Variants in RASA3 observed in about 807,000 individuals in gnomAD.
RASA3 encodes the protein ras GTPase-activating protein 3.
RASA3 carries 73 observed loss-of-function variants against 110.0 expected under a neutral mutation model. The observed-to-expected ratio is 0.66, with a 90% CI of 0.55 to 0.81. RASA3 has a LOEUF of 0.81. Ranked by LOEUF, RASA3 falls within the 30% of genes least tolerant of loss-of-function variation. The probability of loss-of-function intolerance (pLI) is 0.00; values close to 1 mark genes in which losing one functional copy is unlikely to be tolerated. For missense variants in RASA3, 976 were observed against 1,113.2 expected (o/e 0.88, Z 1.75); for synonymous variants, 500 against 451.4 (o/e 1.11, Z -1.37).
At chr13:114,026,184 C>T (rs999823570) in intron 7 of RASA3, among the ~76,000 whole-genome samples, 2 of 152,102 alleles carry the variant, frequency 1.3e-5, no homozygotes, top group African/African-American at 4.8e-5. Flanking sequence ...GTGATGAGCA[C>T]CCGTGTGTGG....
At chr13:114,045,522 G>A (rs958877216) in intron 3 of RASA3, among the ~76,000 whole-genome samples, 5 of 152,072 alleles carry the variant, frequency 3.3e-5, no homozygotes, top group African/African-American at 9.7e-5. Context: ...GCTGAAATGC[G>A]CGCGCCTCCC....
At chr13:113,994,704 C>T (rs2053193829) in intron 21 of RASA3, among the ~76,000 whole-genome samples, 1 of 152,148 alleles carries the variant, frequency 6.6e-6, no homozygotes, top group Admixed American at 6.6e-5. Context: ...GGGCTGGTGG[C>T]ATCAGCCTGT....
chr13:114,098,127 C>A (rs1468910988), intron 1 of RASA3, among the ~76,000 whole-genome samples: 1 of 152,166 alleles, frequency 6.6e-6, no homozygotes, highest in Non-Finnish European at 1.5e-5. Flanking sequence ...AACCCCAAGT[C>A]TGGGGGCTGC....
At chr13:114,113,359 G>A (rs185876529) in intron 1 of RASA3, among the ~76,000 whole-genome samples, 192 of 152,340 alleles carry the variant, frequency 1.3e-3, no homozygotes, top group African/African-American at 3.9e-3. Context: ...GGCAAGGAAC[G>A]GAAGGAGAAT....
At position 114,056,076 on chromosome 13, in the gene RASA3, G is replaced by A. The variant is rs889727964; in HGVS notation, c.174-3921C>T. Among the ~76,000 whole-genome samples, 7 of 152,142 alleles carry A rather than the reference G, an allele frequency of 4.6e-5. No homozygotes were observed. Among genetic ancestry groups the A allele is most frequent in the Admixed American group, 6.5e-5 (1 of 15,272 alleles). The stretch of plus-strand genomic sequence containing the variant: ...CTCGGGGTTCACCTGGCGCGTCACC[G>A]TTTCCCGAGAGCCCCCCGCCCCCGC... On this transcript the variant is annotated intron_variant, in intron 2 of 23. Coordinates refer to ENST00000334062, the MANE Select transcript of RASA3 (RefSeq NM_007368.4). The surrounding 1 kb of genome is among the most constrained non-coding windows in gnomAD (Gnocchi z 5.7).
chr13:113,995,233 G>C (rs191650928), intron 21 of RASA3, among the ~76,000 whole-genome samples: 86 of 152,378 alleles, frequency 5.6e-4, no homozygotes, highest in Non-Finnish European at 1.0e-3. Flanking sequence ...TCCTCGTCAG[G>C]CTGCAATGCT....
At chr13:114,088,251 C>T (rs532206626) in intron 1 of RASA3, among the ~76,000 whole-genome samples, 13 of 152,210 alleles carry the variant, frequency 8.5e-5, no homozygotes, top group African/African-American at 2.9e-4. Flanking sequence ...CAATGATTAA[C>T]GTGCCTTTAG....
intron 1 of RASA3, among the ~76,000 whole-genome samples, chr13:114,103,573 A>ACAC (rs1566576271): frequency 1.4e-4 from 7 of 48,916 alleles, no homozygotes; most frequent in Admixed American, 1.9e-4. Context: ...CGATGCGTCC[A>ACAC]TGCTGCCACA....
intron 1 of RASA3, among the ~76,000 whole-genome samples, chr13:114,080,513 A>T (rs910903411): frequency 6.6e-6 from 1 of 152,094 alleles, no homozygotes; most frequent in South Asian, 2.1e-4. Context: ...GGGGCGGGTG[A>T]CCAGGCCCAG....
At chr13:114,119,163 A>G (rs1028499807) in intron 1 of RASA3, among the ~76,000 whole-genome samples, 1 of 152,104 alleles carries the variant, frequency 6.6e-6, no homozygotes, top group Non-Finnish European at 1.5e-5. Flanking sequence ...ACACTTTATA[A>G]AGCAAAATAA....
At chr13:114,025,648 G>C (rs1335332948) in intron 7 of RASA3, among the ~76,000 whole-genome samples, 1 of 152,280 alleles carries the variant, frequency 6.6e-6, no homozygotes, top group African/African-American at 2.4e-5. Context: ...GCTGGCACCT[G>C]ACACGTGTTG....
At chr13:113,990,340 A>G (rs1260120207) in intron 22 of RASA3, among the ~76,000 whole-genome samples, 3 of 152,222 alleles carry the variant, frequency 2.0e-5, no homozygotes, top group Non-Finnish European at 4.4e-5. Flanking sequence ...GGGTGTTCCC[A>G]GCAGAGGAAG....
chr13:114,003,410 G>C (rs1019591371), intron 18 of RASA3, among the ~76,000 whole-genome samples: 7 of 152,342 alleles, frequency 4.6e-5, no homozygotes, highest in Admixed American at 4.6e-4. Context: ...TGAGTGTCCT[G>C]TGTTGCTTTA....
chr13:114,070,995 C>T (rs934911067), intron 2 of RASA3, among the ~76,000 whole-genome samples: 10 of 149,156 alleles, frequency 6.7e-5, no homozygotes, highest in East Asian at 3.9e-4. Flanking sequence ...CCACGCTAAA[C>T]GGCGCCACAG....
intron 1 of RASA3, among the ~76,000 whole-genome samples, chr13:114,098,932 C>T (rs573942279): frequency 1.3e-5 from 2 of 152,190 alleles, no homozygotes; most frequent in Non-Finnish European, 2.9e-5. Context: ...CCCACTGATG[C>T]CGGACCACAG....
chr13:114,035,077 G>T (rs1162729795), intron 4 of RASA3, among the ~76,000 whole-genome samples: 1 of 152,168 alleles, frequency 6.6e-6, no homozygotes, highest in South Asian at 2.1e-4. Context: ...TCTGAACGCT[G>T]ACCTGAGCTT....
chr13:114,038,236 G>A (rs936681208), intron 4 of RASA3, among the ~76,000 whole-genome samples: 2 of 152,252 alleles, frequency 1.3e-5, no homozygotes, highest in African/African-American at 2.4e-5. Context: ...GAAGAGCTGG[G>A]GAACTCGCCG....
chr13:114,016,280 A>T lies in RASA3; in HGVS notation c.1207-9T>A. 2 of 1,573,054 alleles carry T rather than the reference A, an allele frequency of 1.3e-6. No individual in the cohort carries two copies. The highest frequency in any genetic ancestry group is 1.7e-6 in the Non-Finnish European group (2 of 1,143,228). On this transcript the variant is annotated splice_polypyrimidine_tract_variant and intron_variant, in intron 12 of 23. Transcript: ENST00000334062. ...TTGTGGCTCTGGCATATCTGGGGAG[A>T]GGTTTAAGACAGGGCTCTGTGAGTG...
chr13:114,068,226 G>A (rs2079488202), intron 2 of RASA3, among the ~76,000 whole-genome samples: 1 of 152,230 alleles, frequency 6.6e-6, no homozygotes, highest in South Asian at 2.1e-4. Context: ...GAAAGGGGGG[G>A]CCAGGGCTCC....
Sources: allele counts gnomAD v4.1 joint callset (sites outside exome capture counted in the v4.1 genomes callset), GRCh38; gene constraint gnomAD v4.1.1; non-coding constraint Gnocchi (gnomAD v3.1); transcripts MANE v1.5; gene names NCBI Gene and HGNC (gene_info 2026-07-23, HGNC 2026-07-21).